The following DLG2 variants were observed in gnomAD, a reference collection of about 807,000 sequenced individuals.
The protein encoded by DLG2 is disks large homolog 2.
A neutral mutation model predicts 132.5 loss-of-function variants in DLG2; 45 were observed. That is an observed-to-expected ratio of 0.34 (90% CI 0.27 to 0.44). DLG2 has a LOEUF of 0.44. Ranked by LOEUF, DLG2 falls within the 20% of genes least tolerant of loss-of-function variation. The pLI is 1.00. For missense variants in DLG2, 1,045 were observed against 1,196.9 expected (o/e 0.87, Z 1.87); for synonymous variants, 424 against 419.6 (o/e 1.01, Z -0.13).
intron 6 of DLG2, among the ~76,000 whole-genome samples, chr11:84,871,000 G>A (rs1320051764): frequency 6.6e-6 from 1 of 152,130 alleles, no homozygotes; most frequent in Non-Finnish European, 1.5e-5. Flanking sequence ...AAATGCACTG[G>A]CATTGTATGT....
chr11:83,514,953 A>G (rs2095234440), intron 21 of DLG2, among the ~76,000 whole-genome samples: 1 of 152,184 alleles, frequency 6.6e-6, no homozygotes, highest in Admixed American at 6.5e-5. Flanking sequence ...GGATTTTTGC[A>G]TCGATGTTCA....
chr11:84,642,117 A>AGTGTGTGTGTGTGTGTGTATGTAGAGT (rs1555124570), intron 6 of DLG2, among the ~76,000 whole-genome samples: 1 of 138,734 alleles, frequency 7.2e-6, no homozygotes, highest in African/African-American at 2.7e-5. Context: ...GTATATGTAG[A>AGTGTGTGTGTGTGTGTGTATGTAGAGT]GTGTGTGTGT....
intron 6 of DLG2, among the ~76,000 whole-genome samples, chr11:84,624,922 A>ATC (rs1227944877): frequency 1.7e-5 from 2 of 117,520 alleles, no homozygotes; most frequent in African/African-American, 7.2e-5. Context: ...CAGTGGCGGG[A>ATC]TCTCAGCTCA....
intron 7 of DLG2, among the ~76,000 whole-genome samples, chr11:84,531,274 T>G (rs191057628): frequency 3.5e-4 from 53 of 152,102 alleles, no homozygotes; most frequent in African/African-American, 1.1e-3. Context: ...ACCTAAACAA[T>G]GAGTACATAT....
intron 4 of DLG2, among the ~76,000 whole-genome samples, chr11:85,280,366 A>G (rs935652244): frequency 1.3e-5 from 2 of 152,042 alleles, no homozygotes; most frequent in Non-Finnish European, 2.9e-5. Flanking sequence ...TTACAGATTA[A>G]AAATCAGATA....
intron 6 of DLG2, among the ~76,000 whole-genome samples, chr11:84,703,496 G>A (rs964292002): frequency 6.6e-6 from 1 of 151,426 alleles, no homozygotes; most frequent in Non-Finnish European, 1.5e-5. Context: ...TACCATTCAT[G>A]TTTGCAAGGA....
At chr11:85,546,357 C>T (rs557187249) in intron 3 of DLG2, among the ~76,000 whole-genome samples, 83 of 152,244 alleles carry the variant, frequency 5.5e-4, no homozygotes, top group African/African-American at 1.7e-3. Flanking sequence ...GTCTGAGAGA[C>T]TGTTTGTTAT....
chr11:84,099,829 A>C (rs71468359), intron 9 of DLG2, among the ~76,000 whole-genome samples: 1,867 of 120,270 alleles, frequency 0.016, 277 homozygotes, highest in Non-Finnish European at 0.026. Flanking sequence ...AGATATATAT[A>C]TCTAAAGCGA....
chr11:83,708,246 C>T (rs1452661637), intron 18 of DLG2, among the ~76,000 whole-genome samples: 1 of 152,126 alleles, frequency 6.6e-6, no homozygotes, highest in African/African-American at 2.4e-5. Flanking sequence ...ATCTCTAGAA[C>T]ACAAAGTACC....
intron 7 of DLG2, among the ~76,000 whole-genome samples, chr11:84,444,380 G>A (rs1487908443): frequency 2.0e-5 from 3 of 152,034 alleles, no homozygotes; most frequent in African/African-American, 4.8e-5. Context: ...AACTTAAAAG[G>A]TGATAAAATA....
At chr11:85,117,161 T>C (rs1325165838) in intron 5 of DLG2, among the ~76,000 whole-genome samples, 1 of 151,972 alleles carries the variant, frequency 6.6e-6, no homozygotes, top group African/African-American at 2.4e-5. Flanking sequence ...ACCCTCCATA[T>C]AGGGTGGGCT....
intron 3 of DLG2, among the ~76,000 whole-genome samples, chr11:85,423,069 G>A (rs147371974): frequency 9.7e-4 from 148 of 152,210 alleles, no homozygotes; most frequent in African/African-American, 3.3e-3. Flanking sequence ...ATTTGGTTAG[G>A]CTGTGTCAGA....
At chr11:84,262,966 TA>T (rs1161595831) in intron 7 of DLG2, among the ~76,000 whole-genome samples, 1 of 152,104 alleles carries the variant, frequency 6.6e-6, no homozygotes, top group East Asian at 1.9e-4. Flanking sequence ...TGCATGGCTA[TA>T]AAAAATCAGG....
At chr11:84,393,712 T>G (rs1486927183) in intron 7 of DLG2, among the ~76,000 whole-genome samples, 3 of 152,206 alleles carry the variant, frequency 2.0e-5, no homozygotes, top group Non-Finnish European at 1.5e-5. Context: ...TTCTTTTAGA[T>G]GACTTTTTAA....
intron 19 of DLG2, among the ~76,000 whole-genome samples, chr11:83,543,258 CAGGGAGCTGGGGAA>C (rs2096135363): frequency 6.6e-6 from 1 of 152,150 alleles, no homozygotes; most frequent in Non-Finnish European, 1.5e-5. Flanking sequence ...CAGTCAGGAA[CAGGGAGCTGGGGAA>C]AGGCCAATGC....
chr11:83,666,563 G>A (rs778101342), intron 18 of DLG2, among the ~76,000 whole-genome samples: 5 of 152,168 alleles, frequency 3.3e-5, no homozygotes, highest in Non-Finnish European at 5.9e-5. Flanking sequence ...CACCCCATCC[G>A]TGGAAACATT....
At chr11:84,250,814 A>G (rs2097362490) in intron 8 of DLG2, among the ~76,000 whole-genome samples, 1 of 152,198 alleles carries the variant, frequency 6.6e-6, no homozygotes, top group Non-Finnish European at 1.5e-5. Context: ...ACTTTTGGCC[A>G]CTTCTTATTA....
At chr11:84,425,044 C>T (rs971087839) in intron 7 of DLG2, among the ~76,000 whole-genome samples, 3 of 152,126 alleles carry the variant, frequency 2.0e-5, no homozygotes, top group Non-Finnish European at 2.9e-5. Flanking sequence ...TATACCTAAA[C>T]TTCCCTAGGA....
At chr11:85,475,143 C>A (rs1265109410) in intron 3 of DLG2, among the ~76,000 whole-genome samples, 1 of 151,166 alleles carries the variant, frequency 6.6e-6, no homozygotes, top group Non-Finnish European at 1.5e-5. Context: ...TTAAACTTAA[C>A]CAAGTACAAT....
Sources: gnomAD v4.1 joint callset for allele counts (sites outside exome capture counted in the v4.1 genomes callset) on GRCh38, gnomAD v4.1.1 for gene constraint, MANE v1.5 for transcripts, NCBI Gene and HGNC (gene_info 2026-07-23, HGNC 2026-07-21) for gene names.